WDR45B: variants seen among roughly 807,000 people sequenced by gnomAD.
WDR45B encodes WD repeat domain 45B.
WDR45B carries 20 observed loss-of-function variants against 44.6 expected under a neutral mutation model. The ratio of observed to expected loss-of-function variants is 0.45; its 90% CI spans 0.32 to 0.65. The LOEUF is 0.65. Among genes scored for constraint, WDR45B ranks in the 30% least tolerant of loss-of-function variants. The pLI is 0.05. For synonymous variants in WDR45B, 169 were observed against 164.9 expected, an observed-to-expected ratio of 1.02 and a Z score of -0.19; for missense variants, 323 against 430.2, an observed-to-expected ratio of 0.75 and a Z score of 2.20.
rs1598281105 is a variant in WDR45B, at chr17:82,643,870, T to G, written c.142+79A>C. 2.9e-6 allele frequency: 4 copies of G among 1,397,458 alleles called. No homozygotes were observed. The East Asian group carries it at 9.7e-5, about 34-fold the overall frequency. 86.6% of individuals were successfully genotyped at this position (1,397,458 alleles called of 1,614,324 possible). On this transcript the variant is annotated intron_variant, in intron 2 of 9. Coordinates refer to ENST00000392325, the MANE Select transcript of WDR45B (RefSeq NM_019613.4). ...TTCTCGAAAACAGCCATCCCTTCCC[T>G]GCTCCACCTGCAAGGTTAAATTTAA...
chr17:82,637,849 C>T (rs185377418), intron 2 of WDR45B, among the ~76,000 whole-genome samples: 14 of 151,756 alleles, frequency 9.2e-5, no homozygotes, highest in East Asian at 2.0e-4. Flanking sequence ...GCAGAGGGTA[C>T]GGCCTTCTCT....
chr17:82,632,318 C>T (rs558702487), intron 2 of WDR45B, among the ~76,000 whole-genome samples: 5 of 152,006 alleles, frequency 3.3e-5, no homozygotes, highest in Admixed American at 2.0e-4. Flanking sequence ...CACATCACCG[C>T]GCCTGGTTAA....
At chr17:82,641,307 C>T (rs1316557746) in intron 2 of WDR45B, among the ~76,000 whole-genome samples, 1 of 152,124 alleles carries the variant, frequency 6.6e-6, no homozygotes, top group African/African-American at 2.4e-5. Flanking sequence ...TTACTGTAAA[C>T]ACTTCATTAA....
chr17:82,630,379 C>T (rs2045752133), intron 3 of WDR45B, among the ~76,000 whole-genome samples: 2 of 150,946 alleles, frequency 1.3e-5, no homozygotes, highest in African/African-American at 4.9e-5. Context: ...GCCCTCTTTC[C>T]TCAACCAACA....
chr17:82,641,731 C>G (rs547525898), intron 2 of WDR45B, among the ~76,000 whole-genome samples: 113 of 152,208 alleles, frequency 7.4e-4, no homozygotes, highest in African/African-American at 2.6e-3. Context: ...ACCGTCTCTA[C>G]CAAACATACA....
At chr17:82,644,072 TA>T (rs1221447077) in intron 1 of WDR45B, 49 bp from the exon 2 acceptor site, 3 of 1,584,566 alleles carry the variant, frequency 1.9e-6, no homozygotes, top group Non-Finnish European at 2.6e-6. Context: ...CTGGAGTGGT[TA>T]AAAGAAAGAG....
chr17:82,639,490 C>T (rs1369717204), intron 2 of WDR45B, among the ~76,000 whole-genome samples: 1 of 152,064 alleles, frequency 6.6e-6, no homozygotes, highest in African/African-American at 2.4e-5. Flanking sequence ...CACCTCCTTC[C>T]CAAAGCTACC....
At chr17:82,634,150 CAAAAAA>C (rs36183298) in intron 2 of WDR45B, among the ~76,000 whole-genome samples, 10 of 31,898 alleles carry the variant, frequency 3.1e-4, no homozygotes, top group African/African-American at 7.5e-4. Flanking sequence ...GACTCCATCT[CAAAAAA>C]AAAAAAAAAA....
At chr17:82,634,487 G>C (rs186538656) in intron 2 of WDR45B, among the ~76,000 whole-genome samples, 2 of 147,950 alleles carry the variant, frequency 1.4e-5, no homozygotes, top group Admixed American at 1.4e-4. Context: ...GCGAGACTCT[G>C]TCTCAAAAAA....
In WDR45B at chr17:82,615,425, A is replaced by C; in HGVS notation, c.*494T>G. 5.3e-6 allele frequency: 1 copy of C among 187,530 alleles called. No homozygotes were observed. Among genetic ancestry groups the C allele is most frequent in the South Asian group, 1.0e-4 (1 of 9,718 alleles). The allele number at this position is 187,530 out of a possible 1,614,324, so 11.6% of individuals were successfully genotyped here. ...TTCTTCATGTTCGGGCGGGAAAAGG[A>C]ATTCCTTTCTCCTTTTCTAAGGCAA... On this transcript the variant is annotated 3_prime_UTR_variant, in exon 10 of 10. Transcript: ENST00000392325.
At chr17:82,626,533 C>CAAAAAAAAAAAAAAAAA (rs562186058) in intron 4 of WDR45B, among the ~76,000 whole-genome samples, 1 of 79,452 alleles carries the variant, frequency 1.3e-5, no homozygotes, top group African/African-American at 7.3e-5. Context: ...CTCTATCTCC[C>CAAAAAAAAAAAAAAAAA]AAAAAAAAAA....
intron 5 of WDR45B, among the ~76,000 whole-genome samples, chr17:82,623,039 A>C (rs1438915014): frequency 2.0e-5 from 3 of 152,238 alleles, no homozygotes; most frequent in African/African-American, 7.2e-5. Context: ...ACATAAAAGA[A>C]ATCTTTTAGC....
chr17:82,617,706 C>T (rs1030342933), intron 7 of WDR45B, among the ~76,000 whole-genome samples: 3 of 152,124 alleles, frequency 2.0e-5, no homozygotes, highest in East Asian at 1.9e-4. Context: ...CCCAACATGC[C>T]GCTCAGGGCT....
At chr17:82,644,899 G>A (rs529645475) in intron 1 of WDR45B, among the ~76,000 whole-genome samples, 3 of 152,314 alleles carry the variant, frequency 2.0e-5, no homozygotes, top group East Asian at 3.9e-4. Flanking sequence ...AGCAGCTCAC[G>A]CCTGCAATCC....
intron 2 of WDR45B, among the ~76,000 whole-genome samples, chr17:82,631,482 A>C (rs62079704): frequency 0.04 from 5,916 of 146,544 alleles, 139 homozygotes; most frequent in Middle Eastern, 0.062. Context: ...ATGGGGTTTC[A>C]CTATGCTGGC....
intron 6 of WDR45B, 72 bp downstream of exon 6, chr17:82,621,537 C>G: frequency 6.2e-7 from 1 of 1,602,606 alleles, no homozygotes; most frequent in Non-Finnish European, 8.5e-7. Context: ...AGTCTTGATA[C>G]AGGGAATGGC....
At position 82,629,712 on chromosome 17, in the gene WDR45B, G is replaced by A. The variant is rs965521; in HGVS notation, c.244+1209C>T. 5.3e-4 allele frequency: 527 copies of A among 985,326 alleles called. 5 individuals carry two copies. In the African/African-American group the frequency reaches 8.8e-3, roughly 16 times the overall value. The allele number at this position is 985,326 out of a possible 1,614,324, so 61.0% of individuals were successfully genotyped here. A position where few individuals can be genotyped will look rare whatever the true frequency, so the allele number is the denominator to read the frequency against. ...CTCTCTTCCGCACATTCACGTTCAC[G>A]CAGTTCACGGGGCTCTGCTGAGAAC... On this transcript the variant is annotated intron_variant, in intron 3 of 9. Coordinates refer to ENST00000392325, the MANE Select transcript of WDR45B (RefSeq NM_019613.4).
chr17:82,622,453 C>T (rs1175059110), intron 5 of WDR45B, among the ~76,000 whole-genome samples: 2 of 152,102 alleles, frequency 1.3e-5, no homozygotes, highest in South Asian at 2.1e-4. Flanking sequence ...TTTTTTGAGA[C>T]GGAGCCTGGC....
intron 1 of WDR45B, among the ~76,000 whole-genome samples, chr17:82,645,833 A>T (rs1211866633): frequency 2.0e-5 from 3 of 152,186 alleles, no homozygotes; most frequent in Non-Finnish European, 2.9e-5. Context: ...GTACATCAAG[A>T]ATGATCTGGC....
Sources: gnomAD v4.1 joint callset for allele counts (sites outside exome capture counted in the v4.1 genomes callset) on GRCh38, gnomAD v4.1.1 for gene constraint, MANE v1.5 for transcripts, NCBI Gene and HGNC (gene_info 2026-07-23, HGNC 2026-07-21) for gene names.